The following CADPS2 variants were observed in gnomAD, a reference collection of about 807,000 sequenced individuals.
The protein encoded by CADPS2 is calcium dependent secretion activator 2.
CADPS2 carries 93 observed loss-of-function variants against 172.5 expected under a neutral mutation model. The ratio of observed to expected loss-of-function variants is 0.54; its 90% confidence interval spans 0.46 to 0.64. The LOEUF is 0.64. CADPS2 is among the 30% of genes least tolerant of loss of function. The pLI, the probability that CADPS2 is intolerant of heterozygous loss-of-function variation, is 0.00. For synonymous variants in CADPS2, 546 were observed against 555.2 expected (o/e 0.98, Z 0.23); for missense variants, 1,420 against 1,565.9 (o/e 0.91, Z 1.57).
intron 17 of CADPS2, among the ~76,000 whole-genome samples, chr7:122,424,785 C>T (rs201595081): frequency 2.6e-5 from 4 of 151,570 alleles, no homozygotes; most frequent in Admixed American, 6.6e-5. Flanking sequence ...GTAAGAAAAG[C>T]TCTCACAGGG....
chr7:122,574,672 A>T (rs987181800), intron 7 of CADPS2, among the ~76,000 whole-genome samples: 3 of 151,848 alleles, frequency 2.0e-5, no homozygotes, highest in African/African-American at 7.3e-5. Flanking sequence ...GCTGTGGGGG[A>T]AATTTTTAAA....
chr7:122,404,895 G>T (rs932896977), intron 20 of CADPS2, among the ~76,000 whole-genome samples: 4 of 151,806 alleles, frequency 2.6e-5, no homozygotes, highest in African/African-American at 9.7e-5. Flanking sequence ...GGAGGCCGAG[G>T]TGGGGGGATC....
intron 1 of CADPS2, among the ~76,000 whole-genome samples, chr7:122,839,723 CAAT>C (rs546773776): frequency 0.011 from 1,627 of 152,284 alleles, 24 homozygotes; most frequent in African/African-American, 0.037. Flanking sequence ...ATCAAAACCA[CAAT>C]GAGATACCAT....
intron 20 of CADPS2, among the ~76,000 whole-genome samples, chr7:122,396,808 T>G (rs2045201648): frequency 6.6e-6 from 1 of 152,192 alleles, no homozygotes; most frequent in African/African-American, 2.4e-5. Flanking sequence ...ACATATTTCT[T>G]GCTGACATAT....
chr7:122,587,704 T>C (rs1003259001), intron 6 of CADPS2, among the ~76,000 whole-genome samples: 1 of 152,154 alleles, frequency 6.6e-6, no homozygotes, highest in African/African-American at 2.4e-5. Flanking sequence ...TGTGTGCATG[T>C]ATCTTTGTAA....
intron 6 of CADPS2, among the ~76,000 whole-genome samples, chr7:122,589,704 C>T (rs1277794742): frequency 6.6e-6 from 1 of 151,768 alleles, no homozygotes; most frequent in Non-Finnish European, 1.5e-5. Context: ...TTCCAATAGG[C>T]TGTTGCAAAT....
At chr7:122,557,636 G>C (rs1434888219) in intron 7 of CADPS2, among the ~76,000 whole-genome samples, 1 of 152,138 alleles carries the variant, frequency 6.6e-6, no homozygotes, top group Non-Finnish European at 1.5e-5. Flanking sequence ...TATTGGACTG[G>C]ATATAAAAAT....
At chr7:122,819,352 T>A (rs1045411235) in intron 1 of CADPS2, among the ~76,000 whole-genome samples, 33 of 152,222 alleles carry the variant, frequency 2.2e-4, no homozygotes, top group Non-Finnish European at 2.9e-4. Flanking sequence ...AGGCTCTCTG[T>A]CTGACTCCTT....
intron 3 of CADPS2, among the ~76,000 whole-genome samples, chr7:122,637,208 T>TTTTTTTTCCTC (rs778963218): frequency 1.6e-5 from 1 of 62,664 alleles, no homozygotes; most frequent in Non-Finnish European, 2.9e-5. Context: ...TTTTTTTTTT[T>TTTTTTTTCCTC]CCTGAGACAG....
At chr7:122,726,812 T>C (rs962640798) in intron 2 of CADPS2, among the ~76,000 whole-genome samples, 4 of 148,864 alleles carry the variant, frequency 2.7e-5, no homozygotes, top group African/African-American at 9.8e-5. Context: ...AAGATAGAGT[T>C]TGCTTGAATG....
At chr7:122,817,030 C>G (rs1801653854) in intron 1 of CADPS2, among the ~76,000 whole-genome samples, 2 of 151,202 alleles carry the variant, frequency 1.3e-5, no homozygotes, top group African/African-American at 4.9e-5. Context: ...TTTCCTTTAC[C>G]TACTCAAATC....
At chr7:122,615,334 G>A (rs1323380854) in intron 5 of CADPS2, 35 bp from the exon 6 acceptor site, 3 of 1,341,162 alleles carry the variant, frequency 2.2e-6, no homozygotes, top group African/African-American at 2.9e-5. Flanking sequence ...AATGCATCAA[G>A]TTGATAACAT....
intron 18 of CADPS2, among the ~76,000 whole-genome samples, chr7:122,414,751 T>C (rs1489808666): frequency 6.6e-6 from 1 of 152,210 alleles, no homozygotes; most frequent in African/African-American, 2.4e-5. Context: ...TAAATCTTAG[T>C]TACCTATAGT....
intron 20 of CADPS2, among the ~76,000 whole-genome samples, chr7:122,400,209 G>A (rs1280315345): frequency 6.6e-6 from 1 of 151,924 alleles, no homozygotes; most frequent in Non-Finnish European, 1.5e-5. Context: ...GCCGAGGCGG[G>A]TGGATCACTT....
At chr7:122,695,453 T>G (rs1210941357) in intron 2 of CADPS2, among the ~76,000 whole-genome samples, 3 of 152,242 alleles carry the variant, frequency 2.0e-5, no homozygotes, top group Admixed American at 2.0e-4. Flanking sequence ...AGTAGTGCTA[T>G]TTCCAAGTTC....
intron 9 of CADPS2, among the ~76,000 whole-genome samples, chr7:122,501,517 T>C (rs1261198695): frequency 6.6e-6 from 1 of 151,902 alleles, no homozygotes; most frequent in African/African-American, 2.4e-5. Context: ...CCAGCTTTCA[T>C]GGATGAGGGA....
intron 19 of CADPS2, among the ~76,000 whole-genome samples, chr7:122,408,461 G>T (rs1422405011): frequency 6.6e-6 from 1 of 152,100 alleles, no homozygotes; most frequent in Non-Finnish European, 1.5e-5. Context: ...GCCTCACTCT[G>T]TCACTTGGGC....
At chr7:122,598,197 G>T (rs1473117141) in intron 6 of CADPS2, among the ~76,000 whole-genome samples, 3 of 151,726 alleles carry the variant, frequency 2.0e-5, no homozygotes, top group Non-Finnish European at 1.5e-5. Flanking sequence ...GCACAGTTGT[G>T]TATTTGGTTA....
intron 17 of CADPS2, among the ~76,000 whole-genome samples, chr7:122,436,878 A>G (rs2050707061): frequency 6.6e-6 from 1 of 152,108 alleles, no homozygotes; most frequent in Admixed American, 6.6e-5. Context: ...CACTGCATAT[A>G]TCTTTTCTGT....
Sources: gnomAD v4.1 joint callset for allele counts (sites outside exome capture counted in the v4.1 genomes callset) on GRCh38, gnomAD v4.1.1 for gene constraint, MANE v1.5 for transcripts, NCBI Gene and HGNC (gene_info 2026-07-23, HGNC 2026-07-21) for gene names.